KCNH1: variants seen among roughly 807,000 people sequenced by gnomAD.
KCNH1 encodes the protein potassium voltage-gated channel subfamily H member 1.
Under a neutral mutation model 69.2 loss-of-function variants are expected in KCNH1, and 27 were observed. The ratio of observed to expected loss-of-function variants is 0.39; its 90% CI spans 0.29 to 0.54. The LOEUF is 0.54. KCNH1 is among the 20% of genes least tolerant of loss of function. The pLI is 0.68. For missense variants in KCNH1, 798 were observed against 1,261.6 expected, an observed-to-expected ratio of 0.63 and a Z score of 5.57; for synonymous variants, 456 against 487.7, an observed-to-expected ratio of 0.93 and a Z score of 0.86.
chr1:210,982,221 TTTA>T (rs57676423), intron 6 of KCNH1, among the ~76,000 whole-genome samples: 61,302 of 130,894 alleles, frequency 0.47, 12,766 homozygotes, highest in African/African-American at 0.52. Context: ...CGAGAATACT[TTTA>T]TTATTATTAT....
chr1:210,995,921 G>T (rs1479658610), intron 6 of KCNH1, among the ~76,000 whole-genome samples: 1 of 152,136 alleles, frequency 6.6e-6, no homozygotes, highest in Non-Finnish European at 1.5e-5. Flanking sequence ...ATTATACCTG[G>T]CTCAGAGGAA....
At chr1:210,963,585 A>G (rs985539268) in intron 6 of KCNH1, among the ~76,000 whole-genome samples, 2 of 152,122 alleles carry the variant, frequency 1.3e-5, no homozygotes, top group Non-Finnish European at 2.9e-5. Context: ...ACCAGTTTAT[A>G]GAAGAACATA....
intron 7 of KCNH1, among the ~76,000 whole-genome samples, chr1:210,912,036 G>A (rs1449128005): frequency 6.6e-6 from 1 of 152,086 alleles, no homozygotes; most frequent in East Asian, 1.9e-4. Context: ...AGATGAAACT[G>A]AAGTCAAAAC....
chr1:210,686,181 C>A (rs1016205427), intron 10 of KCNH1, among the ~76,000 whole-genome samples: 1 of 152,158 alleles, frequency 6.6e-6, no homozygotes, highest in Non-Finnish European at 1.5e-5. Context: ...CCAGAGAAAC[C>A]CAACTAAAGG....
intron 7 of KCNH1, among the ~76,000 whole-genome samples, chr1:210,882,306 A>G (rs1686513100): frequency 6.6e-6 from 1 of 152,214 alleles, no homozygotes. Context: ...GGTAAGCAAT[A>G]TTCCTCAAAT....
intron 7 of KCNH1, among the ~76,000 whole-genome samples, chr1:210,856,811 ATT>A (rs1558499159): frequency 1.6e-5 from 2 of 122,994 alleles, no homozygotes; most frequent in East Asian, 2.1e-4. Flanking sequence ...TTATATATAT[ATT>A]ATATATATTT....
intron 7 of KCNH1, among the ~76,000 whole-genome samples, chr1:210,852,573 G>C (rs1685729398): frequency 6.6e-6 from 1 of 152,090 alleles, no homozygotes; most frequent in Non-Finnish European, 1.5e-5. Context: ...CTTGTCCTTT[G>C]TGAACCACAA....
intron 7 of KCNH1, among the ~76,000 whole-genome samples, chr1:210,841,109 A>G (rs1325322384): frequency 6.6e-6 from 1 of 152,194 alleles, no homozygotes; most frequent in Admixed American, 6.6e-5. Flanking sequence ...ATGGTCAGTC[A>G]GTAATGGACA....
chr1:210,912,241 A>T (rs1187864067), intron 7 of KCNH1, among the ~76,000 whole-genome samples: 1 of 152,070 alleles, frequency 6.6e-6, no homozygotes, highest in Non-Finnish European at 1.5e-5. Flanking sequence ...CCCTTTCACC[A>T]AGGGGATCAC....
At chr1:211,034,676 T>A (rs1431540216) in intron 5 of KCNH1, among the ~76,000 whole-genome samples, 1 of 152,218 alleles carries the variant, frequency 6.6e-6, no homozygotes, top group Admixed American at 6.5e-5. Context: ...ATCAACTGAA[T>A]GTAGATGAAT....
At chr1:210,733,947 TCTCACACACACACACACACACA>T (rs770658508) in intron 10 of KCNH1, among the ~76,000 whole-genome samples, 13 of 142,196 alleles carry the variant, frequency 9.1e-5, no homozygotes, top group African/African-American at 2.6e-4. Flanking sequence ...TGTCTGTCTG[TCTCACACACACACACACACACA>T]CACACACACA....
In KCNH1 at chr1:210,983,811, A is replaced by C. The variant is rs548300606; in HGVS notation, c.1032+34972T>G. On this transcript the variant is annotated intron_variant, in intron 6 of 10. Transcript: ENST00000271751. ...TAGTTTTTTCCAATTCTGTGAAGAA[A>C]GTCATTGGTAGCTTGATGGGAATGG... 3.3e-5 allele frequency among the ~76,000 whole-genome samples: 5 copies of C among 152,304 alleles called. No homozygotes were observed. In the South Asian group the frequency reaches 1.0e-3, roughly 32 times the overall value.
chr1:210,945,188 T>C (rs1423034020), intron 6 of KCNH1, among the ~76,000 whole-genome samples: 1 of 152,240 alleles, frequency 6.6e-6, no homozygotes, highest in African/African-American at 2.4e-5. Flanking sequence ...TGTCTACCTT[T>C]TGGCTACGAT....
chr1:211,072,443 A>G (rs1246244023), intron 5 of KCNH1, among the ~76,000 whole-genome samples: 1 of 152,234 alleles, frequency 6.6e-6, no homozygotes, highest in African/African-American at 2.4e-5. Flanking sequence ...CAGAGAAGGA[A>G]TAAGTGAAGG....
chr1:210,846,860 C>T (rs1685560875), intron 7 of KCNH1, among the ~76,000 whole-genome samples: 2 of 152,164 alleles, frequency 1.3e-5, no homozygotes, highest in Non-Finnish European at 2.9e-5. Context: ...CCAGAATCTA[C>T]AATGAACTCA....
intron 7 of KCNH1, among the ~76,000 whole-genome samples, chr1:210,845,008 T>C (rs1269843057): frequency 1.3e-5 from 2 of 151,698 alleles, no homozygotes; most frequent in Admixed American, 6.6e-5. Flanking sequence ...GACACATACA[T>C]CCTCCCAAGA....
At chr1:210,902,019 T>C (rs138595865) in intron 7 of KCNH1, among the ~76,000 whole-genome samples, 2 of 152,276 alleles carry the variant, frequency 1.3e-5, no homozygotes, top group African/African-American at 4.8e-5. Flanking sequence ...TCACTAAGGA[T>C]GCTGGGCTAC....
Position 211,133,724 on chromosome 1 carries a change from A to G in KCNH1, c.79+143T>C. 3.5e-6 allele frequency: 2 copies of G among 569,908 alleles called. No individual in the cohort carries two copies. The highest frequency in any genetic ancestry group is 2.7e-5 in the Admixed American group (1 of 36,710). The allele number at this position is 569,908 out of a possible 1,614,324, so 35.3% of individuals were successfully genotyped here. ...CTGCCCACCTTTCTCTGCCTCGGGG[A>G]GGCTGCCCTGGGTGCCCGCGCCGCG... On this transcript the variant is annotated intron_variant, in intron 1 of 10. Coordinates refer to ENST00000271751, the MANE Select transcript of KCNH1 (RefSeq NM_172362.3). The surrounding 1 kb of genome is among the most constrained non-coding windows in gnomAD (Gnocchi z 5.4).
intron 4 of KCNH1, among the ~76,000 whole-genome samples, chr1:211,088,919 G>A (rs1230801052): frequency 6.6e-6 from 1 of 152,042 alleles, no homozygotes; most frequent in Non-Finnish European, 1.5e-5. Flanking sequence ...TTTATTCCTG[G>A]AAAATAAACC....
Sources: allele counts gnomAD v4.1 joint callset (sites outside exome capture counted in the v4.1 genomes callset), GRCh38; gene constraint gnomAD v4.1.1; non-coding constraint Gnocchi (gnomAD v3.1); transcripts MANE v1.5; gene names NCBI Gene and HGNC (gene_info 2026-07-23, HGNC 2026-07-21).